Variants in HECW2 observed in about 807,000 individuals in gnomAD.
The protein encoded by HECW2 is HECT, C2 and WW domain containing E3 ubiquitin protein ligase 2, also known as E3 ubiquitin-protein ligase HECW2.
A neutral mutation model predicts 175.2 loss-of-function variants in HECW2; 61 were observed. That is an observed-to-expected ratio of 0.35 (90% CI 0.28 to 0.43). HECW2 has a LOEUF of 0.43. HECW2 is among the 20% of genes least tolerant of loss of function. HECW2 has a pLI of 1.00. For missense variants in HECW2, 1,524 were observed against 2,000.5 expected (o/e 0.76, Z 4.54); for synonymous variants, 671 against 731.0 (o/e 0.92, Z 1.32).
At chr2:196,555,346 C>A (rs1015182815) in intron 1 of HECW2, among the ~76,000 whole-genome samples, 2 of 152,062 alleles carry the variant, frequency 1.3e-5, no homozygotes, top group Non-Finnish European at 2.9e-5. Context: ...AGGGACAAGG[C>A]AGCTGCATGG....
intron 17 of HECW2, among the ~76,000 whole-genome samples, chr2:196,259,366 T>C (rs1043582782): frequency 4.6e-5 from 7 of 152,346 alleles, no homozygotes; most frequent in East Asian, 3.9e-4. Flanking sequence ...CAAGGTTTCA[T>C]GTTCACATGA....
chr2:196,246,890 G>A (rs1688665653), intron 19 of HECW2, among the ~76,000 whole-genome samples: 3 of 152,140 alleles, frequency 2.0e-5, no homozygotes, highest in African/African-American at 7.2e-5. Context: ...CTCTGAGACA[G>A]CAATTGTTAA....
At chr2:196,284,752 C>G (rs774119309) in intron 14 of HECW2, among the ~76,000 whole-genome samples, 3 of 152,152 alleles carry the variant, frequency 2.0e-5, no homozygotes, top group African/African-American at 4.8e-5. Flanking sequence ...ATTTGGATCA[C>G]TTTATGTCAC....
chr2:196,311,036 C>A (rs1021135560), intron 10 of HECW2, among the ~76,000 whole-genome samples: 9 of 152,206 alleles, frequency 5.9e-5, no homozygotes, highest in Admixed American at 3.9e-4. Context: ...GCTAGCCTTA[C>A]AGGGCCAGGA....
At chr2:196,391,869 T>C (rs1694521411) in intron 2 of HECW2, among the ~76,000 whole-genome samples, 2 of 152,214 alleles carry the variant, frequency 1.3e-5, no homozygotes, top group African/African-American at 2.4e-5. Flanking sequence ...CAATCTTTCA[T>C]ACTCCTTGGT....
chr2:196,241,866 G>A (rs1688470356), intron 20 of HECW2, among the ~76,000 whole-genome samples: 1 of 152,180 alleles, frequency 6.6e-6, no homozygotes, highest in Non-Finnish European at 1.5e-5. Flanking sequence ...CATGAAAAGT[G>A]GCAGTGTCTT....
intron 2 of HECW2, among the ~76,000 whole-genome samples, chr2:196,355,312 T>C (rs1693323681): frequency 6.6e-6 from 1 of 152,234 alleles, no homozygotes; most frequent in Non-Finnish European, 1.5e-5. Context: ...TTGGCAATTA[T>C]GCTTTATAAT....
chr2:196,294,498 C>T (rs1690732875), intron 13 of HECW2, among the ~76,000 whole-genome samples: 1 of 152,128 alleles, frequency 6.6e-6, no homozygotes, highest in Non-Finnish European at 1.5e-5. Context: ...GTTCTGTTAT[C>T]TATTTTAGTC....
At chr2:196,464,238 T>C (rs1379246517) in intron 1 of HECW2, among the ~76,000 whole-genome samples, 1 of 152,150 alleles carries the variant, frequency 6.6e-6, no homozygotes, top group Non-Finnish European at 1.5e-5. Context: ...TTAACTCTCA[T>C]TTTAGGGCCT....
intron 2 of HECW2, among the ~76,000 whole-genome samples, chr2:196,398,008 T>C (rs992995564): frequency 3.3e-5 from 5 of 151,334 alleles, no homozygotes; most frequent in African/African-American, 7.3e-5. Flanking sequence ...CACCAGGAAG[T>C]GGAGTCTTTT....
chr2:196,579,783 C>T (rs1225528474), intron 1 of HECW2, among the ~76,000 whole-genome samples: 1 of 152,062 alleles, frequency 6.6e-6, no homozygotes, highest in African/African-American at 2.4e-5. Flanking sequence ...CAGATAGACA[C>T]CAGGGACATA....
At chr2:196,546,310 A>G (rs1374159042) in intron 1 of HECW2, among the ~76,000 whole-genome samples, 2 of 152,182 alleles carry the variant, frequency 1.3e-5, no homozygotes, top group African/African-American at 4.8e-5. Flanking sequence ...CTTTGTCATC[A>G]CTTGTTTACA....
At chr2:196,438,597 C>G (rs1168878426) in intron 1 of HECW2, among the ~76,000 whole-genome samples, 1 of 152,078 alleles carries the variant, frequency 6.6e-6, no homozygotes, top group Non-Finnish European at 1.5e-5. Flanking sequence ...TCAGAAAGAC[C>G]CTGAAGGTAG....
intron 19 of HECW2, among the ~76,000 whole-genome samples, chr2:196,248,090 G>A (rs953701639): frequency 2.6e-5 from 4 of 152,208 alleles, no homozygotes; most frequent in African/African-American, 9.7e-5. Flanking sequence ...CTGGCACAAA[G>A]CACAAGCACT....
chr2:196,269,032 T>C (rs1267357676), intron 17 of HECW2, among the ~76,000 whole-genome samples: 2 of 152,202 alleles, frequency 1.3e-5, no homozygotes. Flanking sequence ...ACAGCATGCT[T>C]ATGTTGGGGA....
In HECW2 at chr2:196,423,306, A is replaced by C. The variant is rs570816994; in HGVS notation, c.292+9826T>G. On this transcript the variant is annotated intron_variant, in intron 2 of 28. Transcript: ENST00000644978. ...TGGTGGTTTAAGTCATTTTTTTAAA[A>C]ATGGAGAAATTCAGGTTTAAAAAGT... 2.3e-3 allele frequency among the ~76,000 whole-genome samples: 347 copies of C among 152,204 alleles called. 2 individuals are homozygous for C. The highest frequency in any genetic ancestry group is 4.0e-3 in the Non-Finnish European group (274 of 67,982).
chr2:196,523,776 A>G (rs1467799695), intron 1 of HECW2, among the ~76,000 whole-genome samples: 2 of 150,852 alleles, frequency 1.3e-5, no homozygotes, highest in East Asian at 1.9e-4. Context: ...GCTGGATTAC[A>G]TTTATTGATT....
chr2:196,411,816 G>A (rs1695121041), intron 2 of HECW2, among the ~76,000 whole-genome samples: 1 of 152,200 alleles, frequency 6.6e-6, no homozygotes, highest in Non-Finnish European at 1.5e-5. Flanking sequence ...TTTCAGACCA[G>A]CCTGGCCAAC....
At chr2:196,221,939 AT>A in intron 24 of HECW2, among the ~76,000 whole-genome samples, 1 of 152,146 alleles carries the variant, frequency 6.6e-6, no homozygotes, top group East Asian at 1.9e-4. Context: ...AAATTCTCAT[AT>A]TTTGGGGGAT....
Sources: allele counts gnomAD v4.1 joint callset (sites outside exome capture counted in the v4.1 genomes callset), GRCh38; gene constraint gnomAD v4.1.1; transcripts MANE v1.5; gene names NCBI Gene and HGNC (gene_info 2026-07-23, HGNC 2026-07-21).